The following DDX31 variants were observed in gnomAD, a reference collection of about 807,000 sequenced individuals.
The protein encoded by DDX31 is DEAD-box helicase 31.
Under a neutral mutation model 91.3 loss-of-function variants are expected in DDX31, and 70 were observed. The ratio of observed to expected loss-of-function variants is 0.77; its 90% CI spans 0.63 to 0.94. The LOEUF (loss-of-function observed/expected upper bound fraction) is 0.94, where lower values mean the gene tolerates loss of function less well. Among genes scored for constraint, DDX31 ranks in the 40% least tolerant of loss-of-function variants. The pLI is 0.00. For missense variants in DDX31, 902 were observed against 925.0 expected (o/e 0.98, Z 0.32); for synonymous variants, 362 against 350.6 (o/e 1.03, Z -0.36).
chr9:132,606,161 G>A (rs1455629914), intron 19 of DDX31, among the ~76,000 whole-genome samples: 1 of 152,204 alleles, frequency 6.6e-6, no homozygotes, highest in East Asian at 1.9e-4. Context: ...GTTTCGTCCA[G>A]CCTCTCATCT....
chr9:132,620,724 A>AG (rs1831974243), intron 17 of DDX31, among the ~76,000 whole-genome samples: 1 of 152,296 alleles, frequency 6.6e-6, no homozygotes, highest in East Asian at 1.9e-4. Flanking sequence ...CTGAAGACAG[A>AG]GGGGGGCAGA....
chr9:132,603,042 A>G (rs1830806302), intron 19 of DDX31, among the ~76,000 whole-genome samples: 1 of 152,186 alleles, frequency 6.6e-6, no homozygotes, highest in Admixed American at 6.5e-5. Flanking sequence ...CGAGTTCTAC[A>G]CTGGCCACTG....
At chr9:132,640,193 T>C (rs966940388) in intron 14 of DDX31, among the ~76,000 whole-genome samples, 3 of 152,098 alleles carry the variant, frequency 2.0e-5, no homozygotes, top group African/African-American at 7.2e-5. Context: ...GTAGGGTGCA[T>C]TGGGACAGCC....
chr9:132,639,393 A>G (rs754354400), intron 14 of DDX31, among the ~76,000 whole-genome samples: 4 of 152,134 alleles, frequency 2.6e-5, no homozygotes, highest in Non-Finnish European at 5.9e-5. Context: ...TGCTGGAGTG[A>G]CCTGGACTAG....
Position 132,594,672 on chromosome 9 carries a change from G to T in DDX31, c.*194C>A. 1 of 874,166 alleles carries T rather than the reference G, an allele frequency of 1.1e-6. No individual in the cohort carries two copies. The highest frequency in any genetic ancestry group is 1.7e-6 in the Non-Finnish European group (1 of 575,840). 54.2% of individuals were successfully genotyped at this position (874,166 alleles called of 1,614,324 possible). A position where few individuals can be genotyped will look rare whatever the true frequency, so the allele number is the denominator to read the frequency against. The stretch of plus-strand genomic sequence containing the variant: ...TCGGGAGCTGGCTAGTCTCTACAGT[G>T]CCCCACACCACTGATTTCTATCAGG... On this transcript the variant is annotated 3_prime_UTR_variant, in exon 20 of 20. Coordinates refer to ENST00000372159, the MANE Select transcript of DDX31 (RefSeq NM_022779.9).
chr9:132,653,126 A>AG lies in DDX31; in HGVS notation c.589-635_589-634insC, dbSNP rs201787413. Among the ~76,000 whole-genome samples the AG allele has an allele frequency of 2.6e-5, 4 of 152,056 alleles. No homozygotes were observed. The East Asian group carries it at 7.7e-4, about 29-fold the overall frequency. Reference sequence around the variant, plus strand: ...GTTATTTTATCTTACAAAAAAAAAAACCATAAGAGAACTAATGTAAAATCT... The same window carrying AG: ...GTTATTTTATCTTACAAAAAAAAAAAGCCATAAGAGAACTAATGTAAAATCT... On this transcript the variant is annotated intron_variant, in intron 6 of 19. Transcript: ENST00000372159.
At chr9:132,668,623 A>G (rs1255375916) in intron 1 of DDX31, among the ~76,000 whole-genome samples, 3 of 150,104 alleles carry the variant, frequency 2.0e-5, no homozygotes, top group African/African-American at 7.4e-5. Context: ...GCTGGAGTGC[A>G]ATGGCATGAT....
intron 19 of DDX31, among the ~76,000 whole-genome samples, chr9:132,598,893 G>C: frequency 6.6e-6 from 1 of 152,246 alleles, no homozygotes; most frequent in South Asian, 2.1e-4. Context: ...TTGATTAATA[G>C]AAAAATGAAC....
chr9:132,652,542 A>G, intron 6 of DDX31, 50 bp from the exon 7 acceptor site: 1 of 1,610,860 alleles, frequency 6.2e-7, no homozygotes, highest in Non-Finnish European at 8.5e-7. Flanking sequence ...ACAAAGGCAG[A>G]CTCCAAACGG....
intron 19 of DDX31, among the ~76,000 whole-genome samples, chr9:132,610,469 T>C (rs1831260691): frequency 6.6e-6 from 1 of 152,094 alleles, no homozygotes. Context: ...ATTCCAAAAC[T>C]GGGAAGAGAA....
intron 17 of DDX31, among the ~76,000 whole-genome samples, chr9:132,622,386 CAAGG>C (rs1369927572): frequency 6.6e-6 from 1 of 151,602 alleles, no homozygotes; most frequent in East Asian, 1.9e-4. Context: ...ATTTATGCTG[CAAGG>C]CCACAGAAGG....
chr9:132,646,073 T>C lies in DDX31; in HGVS notation c.1204-2A>G, dbSNP rs1564321456. 6.2e-7 allele frequency: 1 copy of C among 1,612,438 alleles called. No individual in the cohort carries two copies. The highest frequency in any genetic ancestry group is 1.7e-5 in the Admixed American group (1 of 59,756). ...AACCATCTTCTGGTCTTCCTCAAAC[T>C]ACATCGATACAAAGGGAGGAAAAAC... On this transcript the variant is annotated splice_acceptor_variant, in intron 12 of 19. Transcript: ENST00000372159. LOFTEE classifies it high-confidence loss of function.
intron 17 of DDX31, among the ~76,000 whole-genome samples, chr9:132,624,620 T>C (rs1436211884): frequency 6.6e-6 from 1 of 152,220 alleles, no homozygotes; most frequent in Non-Finnish European, 1.5e-5. Flanking sequence ...TTTACCTCTC[T>C]AAGTCTCAGT....
intron 1 of DDX31, chr9:132,669,579 G>C (rs1372089549): frequency 7.4e-6 from 11 of 1,483,930 alleles, no homozygotes; most frequent in East Asian, 2.8e-5. Context: ...CCTTCCACGG[G>C]AAACAGCCTC....
Position 132,593,462 on chromosome 9 carries a change from CAT to C in DDX31, c.*1402_*1403del, listed in dbSNP as rs1331419461. On this transcript the variant is annotated 3_prime_UTR_variant, in exon 20 of 20. Coordinates refer to ENST00000372159, the MANE Select transcript of DDX31 (RefSeq NM_022779.9). ...GCAGACTTGCCCAACGCCAGGCTGACATGTGCTGCAGGGTTGTTGTTTTTTAA... is the reference window on the plus strand; with the variant it reads ...GCAGACTTGCCCAACGCCAGGCTGACGTGCTGCAGGGTTGTTGTTTTTTAA... 4 of 152,218 alleles carry C rather than the reference CAT, an allele frequency of 2.6e-5. No individual in the cohort carries two copies. The highest frequency in any genetic ancestry group is 2.0e-4 in the Admixed American group (3 of 15,284). The allele number at this position is 152,218 out of a possible 1,614,324, so 9.4% of individuals were successfully genotyped here.
chr9:132,615,286 T>C (rs1284344137), intron 18 of DDX31, among the ~76,000 whole-genome samples: 1 of 152,166 alleles, frequency 6.6e-6, no homozygotes, highest in Non-Finnish European at 1.5e-5. Context: ...ACTTGTAAGA[T>C]GAAGGAGACA....
intron 19 of DDX31, among the ~76,000 whole-genome samples, chr9:132,611,652 CT>C (rs1276874479): frequency 1.3e-5 from 2 of 152,110 alleles, no homozygotes; most frequent in Non-Finnish European, 2.9e-5. Context: ...GGAGGTGCAA[CT>C]CAGCAGCAAG....
intron 9 of DDX31, 110 bp from the exon 10 acceptor site, chr9:132,648,661 G>A (rs1833988830): frequency 2.1e-5 from 27 of 1,304,954 alleles, no homozygotes; most frequent in South Asian, 7.9e-5. Flanking sequence ...CAGTGCAAAC[G>A]TGCCATAGCC....
In DDX31 at chr9:132,625,724, T is replaced by C. The variant is rs763847617; in HGVS notation, c.1653A>G (p.Glu551=). 3.7e-6 allele frequency: 6 copies of C among 1,613,722 alleles called. No homozygotes were observed. Among genetic ancestry groups the C allele is most frequent in the Admixed American group, 1.7e-5 (1 of 59,922 alleles). The change falls in exon 17 of 20, where the codon GAA becomes GAG. Residue 551 remains glutamate, a synonymous_variant. Transcript: ENST00000372159. ...CTCTTGTCAGAACACACAAAATATC[T>C]TCCATCTTAATCTCAGAAACGCTGT... ...HKINVSEIKM[E]DILCVLTRDD...
Sources: gnomAD v4.1 joint callset for allele counts (sites outside exome capture counted in the v4.1 genomes callset) on GRCh38, gnomAD v4.1.1 for gene constraint, MANE v1.5 for transcripts, NCBI Gene and HGNC (gene_info 2026-07-23, HGNC 2026-07-21) for gene names.